Variants in TSKU observed in about 807,000 individuals in gnomAD.
TSKU encodes tsukushi, small leucine rich proteoglycan, also known as tsukushi.
In TSKU, 4 loss-of-function variants were observed where a neutral mutation model predicts 11.2. The observed-to-expected ratio is 0.36, with a 90% CI of 0.18 to 0.82. The LOEUF is 0.82. Ranked by LOEUF, TSKU falls within the 40% of genes least tolerant of loss-of-function variation. The pLI, the probability that TSKU is intolerant of heterozygous loss-of-function variation, is 0.50. For synonymous variants in TSKU, 220 were observed against 232.2 expected, an observed-to-expected ratio of 0.95 and a Z score of 0.48; for missense variants, 407 against 482.5, an observed-to-expected ratio of 0.84 and a Z score of 1.47.
rs745947217 is a variant in TSKU at position 76,796,286 on chromosome 11, G to A, written c.670G>A (p.Ala224Thr). 4 of 1,613,292 alleles carry A rather than the reference G, an allele frequency of 2.5e-6. No homozygotes were observed. Among genetic ancestry groups the A allele is most frequent in the Non-Finnish European group, 3.4e-6 (4 of 1,180,010 alleles). ...CCCTCTAGCTGTCATTGGTCCGGGTGCCTTCGCGGGGCTGGGAGGCCTTAC... is the reference window on the plus strand; with the variant it reads ...CCCTCTAGCTGTCATTGGTCCGGGTACCTTCGCGGGGCTGGGAGGCCTTAC... ...GNPLAVIGPG[A>T]FAGLGGLTHL... Residue 224 changes from alanine (A) to threonine (T), a missense_variant, in exon 2 of 2, where the codon GCC (alanine) becomes ACC (threonine). Transcript: ENST00000333090. This position sits in a 1 kb window ranked among gnomAD's most constrained non-coding sequence, Gnocchi z 4.1.
chr11:76,787,879 C>G (rs1449350234), intron 1 of TSKU, among the ~76,000 whole-genome samples: 1 of 152,186 alleles, frequency 6.6e-6, no homozygotes, highest in African/African-American at 2.4e-5. Flanking sequence ...AGCTGAGTAA[C>G]ATCCATTTCT....
At position 76,793,388 on chromosome 11, in the gene TSKU, G is replaced by T. The variant is rs1944399436; in HGVS notation, c.-8-2221G>T. Among the ~76,000 whole-genome samples the T allele has an allele frequency of 2.0e-5, 3 of 152,232 alleles. No homozygotes were observed. The South Asian group carries it at 6.2e-4, about 31-fold the overall frequency. ...CTGTAGTGCAGAGGACAAGGCTGAG[G>T]CTTAAAGAGGGGCAGCGAGAGGTCC... On this transcript the variant is annotated intron_variant, in intron 1 of 1. Coordinates refer to ENST00000333090, the MANE Select transcript of TSKU (RefSeq NM_015516.4).
chr11:76,790,626 C>T (rs1457247472), intron 1 of TSKU, among the ~76,000 whole-genome samples: 1 of 152,152 alleles, frequency 6.6e-6, no homozygotes, highest in Non-Finnish European at 1.5e-5. Flanking sequence ...CTTTTGCTTC[C>T]TCCTCATTGT....
upstream of TSKU, chr11:76,783,247 C>G (rs1057318503): frequency 3.3e-5 from 5 of 150,562 alleles, no homozygotes; most frequent in Admixed American, 6.6e-5. Flanking sequence ...GCCCCGCGGC[C>G]GGCCCGAGCC....
At position 76,796,084 on chromosome 11, in the gene TSKU, G is replaced by C. The variant is rs772608649; in HGVS notation, c.468G>C (p.Gln156His). ...VSVSAFTTHS[Q>H]GRALHVDLSH... The stretch of plus-strand genomic sequence containing the variant: ...TGTCTGCCTTCACGACGCACAGTCA[G>C]GGCCGGGCACTACACGTGGACCTCT... Residue 156 changes from glutamine (Q) to histidine (H), a missense_variant, in exon 2 of 2, where the codon CAG (glutamine) becomes CAC (histidine). Physicochemically the swap from Gln to His is conservative, Grantham distance 24. Coordinates refer to ENST00000333090, the MANE Select transcript of TSKU (RefSeq NM_015516.4). The surrounding 1 kb of genome is among the most constrained non-coding windows in gnomAD (Gnocchi z 4.1). 6 of 1,613,960 alleles carry C rather than the reference G, an allele frequency of 3.7e-6. No individual in the cohort carries two copies. The highest frequency in any genetic ancestry group is 4.2e-6 in the Non-Finnish European group (5 of 1,180,030).
In TSKU at chr11:76,795,928, C is replaced by T. The variant is rs1433062426; in HGVS notation, c.312C>T (p.Phe104=). Residue 104 remains phenylalanine, a synonymous_variant, in exon 2 of 2, where the codon TTC becomes TTT. Coordinates refer to ENST00000333090, the MANE Select transcript of TSKU (RefSeq NM_015516.4). ...NLLTSISPTA[F]SRLRYLESLD... The stretch of plus-strand genomic sequence containing the variant: ...TCACCAGCATCTCACCCACTGCCTT[C>T]TCCCGCCTTCGCTACCTGGAGTCGC... 3 of 1,614,002 alleles carry T rather than the reference C, an allele frequency of 1.9e-6. No individual in the cohort carries two copies. Among genetic ancestry groups the T allele is most frequent in the Admixed American group, 1.7e-5 (1 of 60,032 alleles).
Sources: allele counts gnomAD v4.1 joint callset (sites outside exome capture counted in the v4.1 genomes callset), GRCh38; gene constraint gnomAD v4.1.1; non-coding constraint Gnocchi (gnomAD v3.1); transcripts MANE v1.5; gene names NCBI Gene and HGNC (gene_info 2026-07-23, HGNC 2026-07-21).